The following RSPRY1 variants were observed in gnomAD, a reference collection of about 807,000 sequenced individuals.
RSPRY1 encodes the protein RING finger and SPRY domain-containing protein 1.
RSPRY1 carries 23 observed loss-of-function variants against 73.1 expected under a neutral mutation model. That is an observed-to-expected ratio of 0.31 (90% confidence interval 0.23 to 0.45). The LOEUF (loss-of-function observed/expected upper bound fraction) is 0.45. Ranked by LOEUF, RSPRY1 falls within the 20% of genes least tolerant of loss-of-function variation. RSPRY1 has a pLI of 1.00. For missense variants in RSPRY1, 448 were observed against 698.7 expected, an observed-to-expected ratio of 0.64 and a Z score of 4.05; for synonymous variants, 226 against 251.4, an observed-to-expected ratio of 0.90 and a Z score of 0.95.
intron 2 of RSPRY1, 50 bp from the exon 3 acceptor site, chr16:57,208,008 T>A: frequency 8.8e-7 from 1 of 1,130,940 alleles, no homozygotes; most frequent in Non-Finnish European, 1.3e-6. Flanking sequence ...TTATTTGGAA[T>A]TGTCATTTAT....
Position 57,209,487 on chromosome 16 carries a change from C to G in RSPRY1, c.516+300C>G, listed in dbSNP as rs529651644. Among the ~76,000 whole-genome samples the G allele has an allele frequency of 2.6e-5, 4 of 152,200 alleles. No individual in the cohort carries two copies. In the East Asian group the frequency reaches 7.7e-4, roughly 29 times the overall value. On this transcript the variant is annotated intron_variant, in intron 4 of 14. Coordinates refer to ENST00000394420, the MANE Select transcript of RSPRY1 (RefSeq NM_133368.3). ...CAAGCGATTCTCCTGCCTCAGCCTC[C>G]CAAGTAGCTGGGATTACAGGCACCC...
chr16:57,202,239 G>T (rs922709464), intron 1 of RSPRY1, among the ~76,000 whole-genome samples: 5 of 151,406 alleles, frequency 3.3e-5, no homozygotes, highest in Non-Finnish European at 7.4e-5. Flanking sequence ...CGGGGGGTGG[G>T]TGGCGGGGGT....
chr16:57,221,621 CT>C (rs2075037839), intron 10 of RSPRY1, among the ~76,000 whole-genome samples: 2 of 152,290 alleles, frequency 1.3e-5, no homozygotes, highest in South Asian at 4.1e-4. Context: ...TCGGCCTTTT[CT>C]TTTTCTTGAA....
rs151320039 is a variant in RSPRY1, at chr16:57,212,834, C to T, written c.517-138C>T. On this transcript the variant is annotated intron_variant, in intron 4 of 14. Transcript: ENST00000394420. ...TTCACCATGTTGGCCAGGCTGGTGT[C>T]GAACTCTTGACCTTGTGGTCCGCCC... is the stretch of plus-strand genomic sequence containing the variant. 52 of 742,794 alleles carry T rather than the reference C, an allele frequency of 7.0e-5. No homozygotes were observed. In the African/African-American group the frequency reaches 7.0e-4, roughly 10 times the overall value. 46.0% of individuals were successfully genotyped at this position (742,794 alleles called of 1,614,324 possible).
chr16:57,193,460 G>A (rs554415974), intron 1 of RSPRY1, among the ~76,000 whole-genome samples: 10 of 150,692 alleles, frequency 6.6e-5, no homozygotes, highest in African/African-American at 1.9e-4. Flanking sequence ...TCTTCAGTAA[G>A]AAGATTGTGG....
chr16:57,186,250 A>G (rs1446404244), upstream of RSPRY1: 35 of 879,194 alleles, frequency 4.0e-5, no homozygotes, highest in Non-Finnish European at 4.8e-5. Context: ...TTGGCTGTCA[A>G]GGAGAGGGCT....
At chr16:57,218,629 C>G (rs2074978979) in intron 8 of RSPRY1, among the ~76,000 whole-genome samples, 1 of 150,364 alleles carries the variant, frequency 6.7e-6, no homozygotes, top group Non-Finnish European at 1.5e-5. Context: ...AACATCATAT[C>G]CTACAGTTCC....
chr16:57,235,368 G>A, intron 14 of RSPRY1, 140 bp downstream of exon 14: 2 of 624,394 alleles, frequency 3.2e-6, no homozygotes, highest in South Asian at 2.0e-5. Flanking sequence ...CTTCCAGAAA[G>A]TACCTGAAAT....
chr16:57,209,619 C>T (rs1459645514), intron 4 of RSPRY1, among the ~76,000 whole-genome samples: 14 of 152,084 alleles, frequency 9.2e-5, no homozygotes, highest in Non-Finnish European at 1.9e-4. Flanking sequence ...CTGCCTCGGC[C>T]TCCTCCCAAA....
intron 1 of RSPRY1, among the ~76,000 whole-genome samples, chr16:57,187,913 C>T (rs1373774059): frequency 6.6e-6 from 1 of 152,154 alleles, no homozygotes; most frequent in African/African-American, 2.4e-5. Context: ...TCTTTTCCTT[C>T]AGGAATTATT....
At chr16:57,233,089 T>C (rs1391317904) in intron 13 of RSPRY1, among the ~76,000 whole-genome samples, 1 of 152,256 alleles carries the variant, frequency 6.6e-6, no homozygotes, top group African/African-American at 2.4e-5. Context: ...AGTGATACTT[T>C]ATATTCATTG....
chr16:57,199,840 T>C (rs1456318870), intron 1 of RSPRY1, among the ~76,000 whole-genome samples: 1 of 602 alleles, frequency 1.7e-3, no homozygotes, highest in African/African-American at 9.1e-3. Context: ...TGAAATTTCT[T>C]TTTTTTTTTT....
Position 57,235,131 on chromosome 16 carries a change from C to T in RSPRY1, c.1537C>T (p.Arg513Cys), listed in dbSNP as rs1361586314. The T allele has an allele frequency of 6.2e-7, 1 of 1,612,970 alleles. No individual in the cohort carries two copies. ...ATTGCTTTTTCTACTCAGGCACAGG[C>T]GTCTTGCTCTGTTGAAGCAAGTCAG... ...EEKIILPRHR[R>C]LALLKQVSIR... The change falls in exon 14 of 15, where the codon CGT (arginine) becomes TGT (cysteine). Residue 513 changes from arginine to cysteine, a missense_variant. By Grantham distance (180) the Arg-to-Cys change is radical. Coordinates refer to ENST00000394420, the MANE Select transcript of RSPRY1 (RefSeq NM_133368.3).
At chr16:57,213,989 G>GATGCCCACTTC in intron 6 of RSPRY1, 43 bp downstream of exon 6, 1 of 1,335,512 alleles carries the variant, frequency 7.5e-7, no homozygotes, top group Non-Finnish European at 1.1e-6. Context: ...TCATCTAGAA[G>GATGCCCACTTC]TGGGCATCAT....
intron 1 of RSPRY1, among the ~76,000 whole-genome samples, chr16:57,192,567 T>A (rs2074368814): frequency 6.6e-6 from 1 of 152,188 alleles, no homozygotes; most frequent in Non-Finnish European, 1.5e-5. Context: ...GTAAATTATT[T>A]GAATGCTGAA....
rs1357559183 is a variant in RSPRY1 at position 57,240,299 on chromosome 16, G to A, written c.*1324G>A. 1 of 150,490 alleles carries A rather than the reference G, an allele frequency of 6.6e-6. No individual in the cohort carries two copies. Among genetic ancestry groups the A allele is most frequent in the Non-Finnish European group, 1.5e-5 (1 of 67,724 alleles). 9.3% of individuals were successfully genotyped at this position (150,490 alleles called of 1,614,324 possible). A position where few individuals can be genotyped will look rare whatever the true frequency, so the allele number is the denominator to read the frequency against. ...TTTCCTTCCTGGCTGTACATGTTGGGGTGCTGGATTTTTTTCCGTGTCTTT... is the reference window on the plus strand; with the variant it reads ...TTTCCTTCCTGGCTGTACATGTTGGAGTGCTGGATTTTTTTCCGTGTCTTT... On this transcript the variant is annotated 3_prime_UTR_variant, in exon 15 of 15. Coordinates refer to ENST00000394420, the MANE Select transcript of RSPRY1 (RefSeq NM_133368.3).
intron 1 of RSPRY1, among the ~76,000 whole-genome samples, chr16:57,193,224 C>G (rs1224312654): frequency 1.3e-5 from 2 of 152,130 alleles, no homozygotes; most frequent in African/African-American, 4.8e-5. Context: ...AACGCCTCAT[C>G]AAGACAACCT....
intron 14 of RSPRY1, among the ~76,000 whole-genome samples, chr16:57,235,664 T>A (rs1251472054): frequency 2.0e-5 from 3 of 152,134 alleles, no homozygotes; most frequent in African/African-American, 7.2e-5. Flanking sequence ...AGTAAGATGG[T>A]CCCCAGGAAG....
intron 13 of RSPRY1, among the ~76,000 whole-genome samples, chr16:57,233,519 G>A (rs1486283423): frequency 1.3e-4 from 20 of 152,172 alleles, no homozygotes; most frequent in African/African-American, 4.6e-4. Flanking sequence ...CTACAGGCAT[G>A]CCAACACACC....
Sources: allele counts gnomAD v4.1 joint callset (sites outside exome capture counted in the v4.1 genomes callset), GRCh38; gene constraint gnomAD v4.1.1; transcripts MANE v1.5; gene names NCBI Gene and HGNC (gene_info 2026-07-23, HGNC 2026-07-21).